ADCY9: variants seen among roughly 807,000 people sequenced by gnomAD.
ADCY9 encodes the protein adenylate cyclase type 9.
ADCY9 carries 50 observed loss-of-function variants against 101.5 expected under a neutral mutation model. The observed-to-expected ratio is 0.49, with a 90% CI of 0.39 to 0.62. ADCY9 has a LOEUF of 0.62. Among genes scored for constraint, ADCY9 ranks in the 20% least tolerant of loss-of-function variants. The pLI, the probability that ADCY9 is intolerant of heterozygous loss-of-function variation, is 0.00. For synonymous variants in ADCY9, 905 were observed against 769.3 expected (o/e 1.18, Z -2.92); for missense variants, 1,662 against 1,800.4 (o/e 0.92, Z 1.39).
chr16:3,995,902 G>T (rs1248778284), intron 3 of ADCY9, among the ~76,000 whole-genome samples: 1 of 152,066 alleles, frequency 6.6e-6, no homozygotes, highest in African/African-American at 2.4e-5. Context: ...AACAGCTAGC[G>T]AAATCATTAA....
chr16:4,060,650 G>T (rs1488846228), intron 2 of ADCY9, among the ~76,000 whole-genome samples: 2 of 152,052 alleles, frequency 1.3e-5, no homozygotes, highest in Non-Finnish European at 2.9e-5. Flanking sequence ...AAATGAGCAG[G>T]ATCATCAGCA....
chr16:3,963,303 G>A lies in ADCY9; in HGVS notation c.*2472C>T, dbSNP rs572945035. ...ACGACCCATGCCGTCAGCAGCCCTCGTGCCAGCTGCTTAGAAACTCGTGTC... is the reference window on the plus strand; with the variant it reads ...ACGACCCATGCCGTCAGCAGCCCTCATGCCAGCTGCTTAGAAACTCGTGTC... On this transcript the variant is annotated 3_prime_UTR_variant, in exon 11 of 11. Coordinates refer to ENST00000294016, the MANE Select transcript of ADCY9 (RefSeq NM_001116.4). 60 of 398,594 alleles carry A rather than the reference G, an allele frequency of 1.5e-4. No individual in the cohort carries two copies. The East Asian group carries it at 1.8e-3, about 12-fold the overall frequency. The allele number at this position is 398,594 out of a possible 1,614,324, so 24.7% of individuals were successfully genotyped here.
rs549164884 is a variant in ADCY9 at position 4,015,041 on chromosome 16, G to A, written c.1694-7483C>T. 1.6e-3 allele frequency among the ~76,000 whole-genome samples: 232 copies of A among 141,732 alleles called. 2 individuals carry two copies. The highest frequency in any genetic ancestry group is 1.3e-3 in the East Asian group (6 of 4,514). The allele number at this position is 141,732 out of a possible 152,430, so 93.0% of individuals were successfully genotyped here. On this transcript the variant is annotated intron_variant, in intron 2 of 10. Coordinates refer to ENST00000294016, the MANE Select transcript of ADCY9 (RefSeq NM_001116.4). ...TGCAAGCTCTGCCTCCCGGGTTCAC[G>A]CCATTCTCCTGCCTCAGCCTCCCGA...
intron 2 of ADCY9, among the ~76,000 whole-genome samples, chr16:4,097,412 G>A (rs940167245): frequency 6.9e-6 from 1 of 145,010 alleles, no homozygotes; most frequent in South Asian, 2.3e-4. Context: ...GATGTTTGGG[G>A]TGTGGTTTCA....
intron 2 of ADCY9, among the ~76,000 whole-genome samples, chr16:4,047,457 T>C (rs2056672829): frequency 7.1e-6 from 1 of 141,474 alleles, no homozygotes; most frequent in South Asian, 2.1e-4. Flanking sequence ...TACACAGCTG[T>C]TACGAAGACA....
chr16:4,068,208 A>G (rs2056812077), intron 2 of ADCY9, among the ~76,000 whole-genome samples: 1 of 152,102 alleles, frequency 6.6e-6, no homozygotes, highest in Admixed American at 6.6e-5. Flanking sequence ...TTCCTCACTT[A>G]AGTGCCTTTT....
Position 4,113,994 on chromosome 16 carries a change from C to A in ADCY9, c.1449G>T (p.Met483Ile). The change falls in exon 2 of 11, where the codon ATG becomes ATT. Residue 483 changes from methionine (M) to isoleucine (I), a missense_variant. Physicochemically the swap from Met to Ile is conservative, Grantham distance 10. Around this residue, in one of 5 missense-constraint regions of ADCY9, gnomAD observed 228 missense variants for 301.1 expected, o/e 0.76. Coordinates refer to ENST00000294016, the MANE Select transcript of ADCY9 (RefSeq NM_001116.4). ...IEQFCQEKKE[M>I]VNMRVGVHTG... The stretch of plus-strand genomic sequence containing the variant: ...TGTGCACCCCGACTCTCATGTTCAC[C>A]ATCTCCTTCTTCTCCTGGCAGAACT... 3 of 1,613,924 alleles carry A rather than the reference C, an allele frequency of 1.9e-6. No homozygotes were observed. The highest frequency in any genetic ancestry group is 2.5e-6 in the Non-Finnish European group (3 of 1,180,048).
At chr16:3,957,091 C>G (rs78377720) in intron 5 of ADCY9, among the ~76,000 whole-genome samples, 9,428 of 152,250 alleles carry the variant, frequency 0.062, 786 homozygotes, top group African/African-American at 0.19. Flanking sequence ...AACTCACACC[C>G]TCCCCCTCCA....
At chr16:3,977,889 G>T (rs183009434) in intron 8 of ADCY9, among the ~76,000 whole-genome samples, 1 of 152,062 alleles carries the variant, frequency 6.6e-6, no homozygotes, top group East Asian at 1.9e-4. Context: ...GCTAATTTTT[G>T]TATTTTTAGT....
intron 2 of ADCY9, among the ~76,000 whole-genome samples, chr16:4,067,822 G>C (rs1251721028): frequency 6.6e-6 from 1 of 152,140 alleles, no homozygotes; most frequent in East Asian, 1.9e-4. Context: ...TTTACTTTGT[G>C]AATTTGTATC....
intron 2 of ADCY9, among the ~76,000 whole-genome samples, chr16:4,041,084 G>C (rs1798345483): frequency 6.6e-6 from 1 of 152,176 alleles, no homozygotes; most frequent in Admixed American, 6.5e-5. Flanking sequence ...AAATCATATA[G>C]GGGACATTAA....
At chr16:3,985,462 T>C (rs2056183730) in intron 6 of ADCY9, among the ~76,000 whole-genome samples, 1 of 152,154 alleles carries the variant, frequency 6.6e-6, no homozygotes, top group African/African-American at 2.4e-5. Flanking sequence ...GGGGCGACAC[T>C]GCCCATGCCC....
At chr16:4,071,865 C>A (rs1483797101) in intron 2 of ADCY9, among the ~76,000 whole-genome samples, 1 of 152,000 alleles carries the variant, frequency 6.6e-6, no homozygotes, top group Non-Finnish European at 1.5e-5. Context: ...GGCGGGAGTG[C>A]GGTGGTGCGG....
intron 2 of ADCY9, among the ~76,000 whole-genome samples, chr16:4,094,765 G>A (rs1289576105): frequency 6.6e-6 from 1 of 152,084 alleles, no homozygotes; most frequent in Non-Finnish European, 1.5e-5. Context: ...AGGCAAAGGA[G>A]GAAAAGCTTT....
chr16:3,974,491 A>G (rs900879757), intron 10 of ADCY9, among the ~76,000 whole-genome samples, 178 bp downstream of exon 10: 2 of 152,182 alleles, frequency 1.3e-5, no homozygotes, highest in African/African-American at 4.8e-5. Context: ...TATTTTCCCC[A>G]TTAGACATTA....
chr16:4,112,943 AAC>A (rs2057122770), intron 2 of ADCY9, among the ~76,000 whole-genome samples: 1 of 152,124 alleles, frequency 6.6e-6, no homozygotes, highest in African/African-American at 2.4e-5. Context: ...GCCCAGTAAA[AAC>A]ATCAAGAATA....
intron 3 of ADCY9, among the ~76,000 whole-genome samples, chr16:4,000,314 C>T (rs1267722451): frequency 2.6e-5 from 4 of 152,034 alleles, no homozygotes; most frequent in East Asian, 1.9e-4. Context: ...ACGGTACGGT[C>T]GGAACCGCGT....
chr16:4,027,890 A>T (rs1049902192), intron 2 of ADCY9, among the ~76,000 whole-genome samples: 17 of 151,782 alleles, frequency 1.1e-4, no homozygotes, highest in Non-Finnish European at 2.2e-4. Context: ...AAAAAAAAAA[A>T]AGAAAAAAAA....
At chr16:4,005,457 A>G (rs978949594) in intron 3 of ADCY9, among the ~76,000 whole-genome samples, 6 of 152,182 alleles carry the variant, frequency 3.9e-5, no homozygotes, top group African/African-American at 1.4e-4. Flanking sequence ...TGGAAATCCT[A>G]GCCTCAGGCA....
Sources: gnomAD v4.1 joint callset for allele counts (sites outside exome capture counted in the v4.1 genomes callset) on GRCh38, gnomAD v4.1.1 for gene constraint, gnomAD v4.1.1 regional missense constraint, MANE v1.5 for transcripts, NCBI Gene and HGNC (gene_info 2026-07-23, HGNC 2026-07-21) for gene names.